The following CENPP variants were observed in gnomAD, a reference collection of about 807,000 sequenced individuals.
CENPP encodes the protein centromere protein P.
Under a neutral mutation model 35.6 loss-of-function variants are expected in CENPP, and 24 were observed. That is an observed-to-expected ratio of 0.67 (90% CI 0.49 to 0.95). CENPP has a LOEUF of 0.95. CENPP is among the 40% of genes least tolerant of loss of function. The probability of loss-of-function intolerance (pLI) is 0.00; values close to 1 mark genes in which losing one functional copy is unlikely to be tolerated. For missense variants in CENPP, 332 were observed against 345.3 expected (o/e 0.96, Z 0.31); for synonymous variants, 120 against 125.5 (o/e 0.96, Z 0.29).
At chr9:92,331,509 A>T (rs1042893944) in intron 1 of CENPP, among the ~76,000 whole-genome samples, 1 of 152,258 alleles carries the variant, frequency 6.6e-6, no homozygotes, top group Admixed American at 6.5e-5. Flanking sequence ...ATCTTTTAAA[A>T]TAATTTGAGA....
chr9:92,504,754 C>T (rs945835289), intron 5 of CENPP, among the ~76,000 whole-genome samples: 2 of 152,096 alleles, frequency 1.3e-5, no homozygotes, highest in African/African-American at 4.8e-5. Context: ...GCCCAGGCTA[C>T]TCTCAAACTC....
At chr9:92,436,119 T>C (rs1588128440) in intron 5 of CENPP, among the ~76,000 whole-genome samples, 1 of 152,374 alleles carries the variant, frequency 6.6e-6, no homozygotes, top group East Asian at 1.9e-4. Context: ...TATGTAGTGA[T>C]ATATTACTGT....
intron 5 of CENPP, chr9:92,496,146 A>G (rs1846335133): frequency 7.6e-7 from 1 of 1,313,696 alleles, no homozygotes; most frequent in South Asian, 2.0e-5. Context: ...CCTAGAGACT[A>G]TACCTTTTAG....
At chr9:92,552,196 C>A (rs866947714) in intron 5 of CENPP, among the ~76,000 whole-genome samples, 2 of 144,806 alleles carry the variant, frequency 1.4e-5, no homozygotes, top group African/African-American at 5.1e-5. Context: ...CATATACACA[C>A]ACACACACAC....
At chr9:92,407,537 A>G (rs1843337936) in intron 5 of CENPP, among the ~76,000 whole-genome samples, 1 of 152,236 alleles carries the variant, frequency 6.6e-6, no homozygotes, top group Non-Finnish European at 1.5e-5. Flanking sequence ...TTTACTCTAC[A>G]GGAGTAAAAG....
At chr9:92,352,505 G>GTGTATATATATATATA in intron 4 of CENPP, among the ~76,000 whole-genome samples, 8 of 49,794 alleles carry the variant, frequency 1.6e-4, no homozygotes, top group African/African-American at 9.0e-4. Flanking sequence ...GTGTGTGTGT[G>GTGTATATATATATATA]TATACATATA....
rs74754136 is a variant in CENPP, at chr9:92,605,117, A to T, written c.565-6197A>T. Among the ~76,000 whole-genome samples, 1,122 of 152,194 alleles carry T rather than the reference A, an allele frequency of 7.4e-3. 11 individuals carry two copies. Among genetic ancestry groups the T allele is most frequent in the African/African-American group, 0.024 (1,015 of 41,534 alleles). ...TGCCTCAGCCCCTCAAGTAGCTGGA[A>T]TTATAGGCACACACCACCACACCTG... On this transcript the variant is annotated intron_variant, in intron 5 of 7. Transcript: ENST00000375587.
At chr9:92,443,916 G>A (rs1844486434) in intron 5 of CENPP, among the ~76,000 whole-genome samples, 1 of 152,026 alleles carries the variant, frequency 6.6e-6, no homozygotes, top group Non-Finnish European at 1.5e-5. Context: ...ACCCACTTCG[G>A]CCTCCCAAAG....
At chr9:92,522,699 C>A (rs760253173) in intron 5 of CENPP, 1 of 1,613,972 alleles carries the variant, frequency 6.2e-7, no homozygotes, top group African/African-American at 1.3e-5. Context: ...CTGTTGTTTG[C>A]TGAATTCCAA....
intron 5 of CENPP, among the ~76,000 whole-genome samples, chr9:92,546,127 A>T (rs1849438102): frequency 6.6e-6 from 1 of 152,240 alleles, no homozygotes; most frequent in South Asian, 2.1e-4. Flanking sequence ...TGTCTAGCTA[A>T]TCTAGTGGGG....
chr9:92,435,893 A>G (rs1399029106), intron 5 of CENPP, among the ~76,000 whole-genome samples: 1 of 152,206 alleles, frequency 6.6e-6, no homozygotes, highest in Non-Finnish European at 1.5e-5. Context: ...TTTTGTGTCA[A>G]CATGAGTCTT....
chr9:92,438,901 A>C (rs1342981412), intron 5 of CENPP, among the ~76,000 whole-genome samples: 1 of 152,224 alleles, frequency 6.6e-6, no homozygotes, highest in African/African-American at 2.4e-5. Context: ...TGCAAAGCTG[A>C]GGTTGCATTA....
At chr9:92,429,005 A>G (rs17591435) in intron 5 of CENPP, among the ~76,000 whole-genome samples, 5,385 of 152,230 alleles carry the variant, frequency 0.035, 132 homozygotes, top group Middle Eastern at 0.075. Context: ...TATCTTTAAG[A>G]CATCAGCTTA....
chr9:92,544,883 A>T (rs1470211885), intron 5 of CENPP, among the ~76,000 whole-genome samples: 2 of 150,798 alleles, frequency 1.3e-5, no homozygotes, highest in Non-Finnish European at 3.0e-5. Context: ...ACCCAGCTAA[A>T]TTTTTTTTTG....
chr9:92,567,369 G>GATAGATATATAGAT (rs1554688218), intron 5 of CENPP, among the ~76,000 whole-genome samples: 6 of 104,104 alleles, frequency 5.8e-5, no homozygotes, highest in East Asian at 3.0e-4. Flanking sequence ...AGTTACATAA[G>GATAGATATATAGAT]ATAGATATAT....
intron 5 of CENPP, chr9:92,464,737 T>G: frequency 1.4e-6 from 1 of 696,204 alleles, no homozygotes; most frequent in East Asian, 2.7e-5. Context: ...TGTGGCTTAA[T>G]TCTGTCAGGA....
chr9:92,334,310 G>A (rs567274699), intron 2 of CENPP, among the ~76,000 whole-genome samples: 4 of 151,990 alleles, frequency 2.6e-5, no homozygotes, highest in Admixed American at 1.3e-4. Flanking sequence ...TAGTAGTGAC[G>A]GGGTTTCCCT....
chr9:92,515,498 A>AT (rs1200693765), intron 5 of CENPP, among the ~76,000 whole-genome samples: 1 of 152,214 alleles, frequency 6.6e-6, no homozygotes, highest in Non-Finnish European at 1.5e-5. Flanking sequence ...TAAGGAGGGA[A>AT]TAATATTGCC....
chr9:92,415,562 TATGGGATATA>T, intron 5 of CENPP: 1 of 626,560 alleles, frequency 1.6e-6, no homozygotes, highest in Non-Finnish European at 2.5e-6. Flanking sequence ...TTTTATATTG[TATGGGATATA>T]ATTCTGTTAA....
Sources: allele counts gnomAD v4.1 joint callset (sites outside exome capture counted in the v4.1 genomes callset), GRCh38; gene constraint gnomAD v4.1.1; transcripts MANE v1.5; gene names NCBI Gene and HGNC (gene_info 2026-07-23, HGNC 2026-07-21).